The following C11orf65 variants were observed in gnomAD, a reference collection of about 807,000 sequenced individuals.
C11orf65 encodes chromosome 11 open reading frame 65, also known as protein MFI.
C11orf65 carries 38 observed loss-of-function variants against 35.3 expected under a neutral mutation model. The ratio of observed to expected loss-of-function variants is 1.08; its 90% CI spans 0.83 to 1.41. The LOEUF (loss-of-function observed/expected upper bound fraction) is 1.41. C11orf65 is among the 40% of genes most tolerant of loss of function. C11orf65 has a pLI of 0.00. For synonymous variants in C11orf65, 105 were observed against 114.4 expected, an observed-to-expected ratio of 0.92 and a Z score of 0.53; for missense variants, 370 against 367.1, an observed-to-expected ratio of 1.01 and a Z score of -0.06.
At chr11:108,386,557 G>C (rs1351492432) in intron 7 of C11orf65, among the ~76,000 whole-genome samples, 1 of 152,144 alleles carries the variant, frequency 6.6e-6, no homozygotes, top group African/African-American at 2.4e-5. Context: ...AGAGAGACGA[G>C]GGTTGCCTGA....
chr11:108,361,599 G>T (rs1371226826), intron 2 of C11orf65, among the ~76,000 whole-genome samples: 1 of 151,732 alleles, frequency 6.6e-6, no homozygotes, highest in Non-Finnish European at 1.5e-5. Context: ...CCAAAACAGA[G>T]ATATAGATCA....
downstream of C11orf65, among the ~76,000 whole-genome samples, chr11:108,379,550 A>G (rs143056216): frequency 0.11 from 16,163 of 151,864 alleles, 1,203 homozygotes; most frequent in Non-Finnish European, 0.15. Flanking sequence ...TGGGTGCAGC[A>G]CACCAGCATG....
At chr11:108,340,871 C>T (rs548024063) in intron 2 of C11orf65, among the ~76,000 whole-genome samples, 32 of 152,202 alleles carry the variant, frequency 2.1e-4, no homozygotes, top group African/African-American at 7.7e-4. Context: ...AGTGTAAATG[C>T]TGTGTAAATA....
chr11:108,451,291 T>G (rs1294567395), intron 2 of C11orf65, among the ~76,000 whole-genome samples: 2 of 152,004 alleles, frequency 1.3e-5, no homozygotes, highest in Non-Finnish European at 2.9e-5. Context: ...CTTAAGCTGA[T>G]AAGCAACTTC....
chr11:108,342,703 A>C (rs2087740022), intron 2 of C11orf65, among the ~76,000 whole-genome samples: 1 of 152,182 alleles, frequency 6.6e-6, no homozygotes, highest in Admixed American at 6.5e-5. Flanking sequence ...ATTTTAAAAA[A>C]CTTTCCTAGT....
At chr11:108,362,192 G>GA (rs1195008816) in intron 2 of C11orf65, among the ~76,000 whole-genome samples, 53 of 145,204 alleles carry the variant, frequency 3.7e-4, no homozygotes, top group Non-Finnish European at 7.1e-4. Context: ...AAAAACACAT[G>GA]AAAAAATGCT....
At position 108,347,277 on chromosome 11, in the gene C11orf65, A is replaced by T. The variant is rs1060501700; in HGVS notation, c.227-11985T>A. ...CAGATTGTTTGTTTCTTTTTTCTCCAGTTGGTTACATACTTGGACTTGGTG... is the reference window on the plus strand; with the variant it reads ...CAGATTGTTTGTTTCTTTTTTCTCCTGTTGGTTACATACTTGGACTTGGTG... On this transcript the variant is annotated intron_variant, in intron 2 of 3. Coordinates refer to the C11orf65 transcript ENST00000524755. 1 of 1,599,888 alleles carries T rather than the reference A, an allele frequency of 6.3e-7. No individual in the cohort carries two copies. Among genetic ancestry groups the T allele is most frequent in the Non-Finnish European group, 8.6e-7 (1 of 1,167,320 alleles).
At chr11:108,411,075 A>G (rs1043428381) in intron 3 of C11orf65, among the ~76,000 whole-genome samples, 1 of 152,058 alleles carries the variant, frequency 6.6e-6, no homozygotes, top group African/African-American at 2.4e-5. Context: ...TAAACTTTGT[A>G]AATTGATTTT....
At chr11:108,336,311 AAAGAAG>A (rs375553417) in intron 2 of C11orf65, 9 of 195,980 alleles carry the variant, frequency 4.6e-5, no homozygotes, top group East Asian at 2.7e-4. Context: ...CCCGTTTAAA[AAAGAAG>A]AAGAAGAAGA....
intron 2 of C11orf65, among the ~76,000 whole-genome samples, chr11:108,374,779 G>C (rs1301335237): frequency 1.3e-5 from 2 of 152,208 alleles, no homozygotes; most frequent in Non-Finnish European, 2.9e-5. Flanking sequence ...AACCAATACA[G>C]AGAAGTGCTT....
chr11:108,346,325 T>C (rs11821287), intron 2 of C11orf65, among the ~76,000 whole-genome samples: 1 of 152,062 alleles, frequency 6.6e-6, no homozygotes, highest in Non-Finnish European at 1.5e-5. Flanking sequence ...TAATACTTTT[T>C]AATAGAATTT....
rs753158040 is a variant in C11orf65, at chr11:108,321,302, G to A, written c.641-12231C>T. 1 of 1,614,024 alleles carries A rather than the reference G, an allele frequency of 6.2e-7. No individual in the cohort carries two copies. Among genetic ancestry groups the A allele is most frequent in the South Asian group, 1.1e-5 (1 of 91,076 alleles). ...GTGTCTTTTCTTTTTTGCTACTAGA[G>A]TAAAAGAAGTGGAAGAGATGTGTAA... On this transcript the variant is annotated intron_variant, in intron 6 of 6. Transcript: ENST00000525729.
intron 2 of C11orf65, among the ~76,000 whole-genome samples, chr11:108,446,010 A>C (rs2093250587): frequency 6.6e-6 from 1 of 152,224 alleles, no homozygotes; most frequent in Non-Finnish European, 1.5e-5. Flanking sequence ...ATCAACTGGA[A>C]GAAAGGGTAT....
intron 2 of C11orf65, among the ~76,000 whole-genome samples, chr11:108,448,465 C>T (rs182902542): frequency 0.012 from 1,796 of 152,290 alleles, 7 homozygotes; most frequent in Middle Eastern, 0.048. Context: ...CCCTGGGATG[C>T]AAGGCTGCTT....
chr11:108,359,194 AAAG>A (rs1192665545), intron 2 of C11orf65, among the ~76,000 whole-genome samples: 2 of 151,648 alleles, frequency 1.3e-5, no homozygotes, highest in African/African-American at 4.8e-5. Flanking sequence ...CAAAAGAAAC[AAAG>A]AAGGCCATTA....
chr11:108,363,372 C>G (rs1429433184), intron 2 of C11orf65, among the ~76,000 whole-genome samples: 2 of 152,160 alleles, frequency 1.3e-5, no homozygotes, highest in African/African-American at 2.4e-5. Context: ...CTCTCCTGGC[C>G]TTCAAGATTT....
intron 2 of C11orf65, among the ~76,000 whole-genome samples, chr11:108,443,827 G>C (rs1453989862): frequency 6.6e-6 from 1 of 152,154 alleles, no homozygotes; most frequent in African/African-American, 2.4e-5. Context: ...GTAGTGTGTA[G>C]ACAGAAATTT....
At chr11:108,464,625 G>C (rs940551846) in intron 1 of C11orf65, among the ~76,000 whole-genome samples, 1 of 152,112 alleles carries the variant, frequency 6.6e-6, no homozygotes, top group Non-Finnish European at 1.5e-5. Context: ...CTCCCAAAGC[G>C]CTGGGATTAC....
chr11:108,314,627 G>GT lies in C11orf65; in HGVS notation c.641-5557dup, dbSNP rs576938645. On this transcript the variant is annotated intron_variant, in intron 6 of 6. Coordinates refer to the C11orf65 transcript ENST00000525729. ...TATATACAGTTGACCCTTGAACAGT[G>GT]TAAGGGTTAGAGGTGCTAACCCCCT... Among the ~76,000 whole-genome samples, 6 of 152,166 alleles carry GT rather than the reference G, an allele frequency of 3.9e-5. No individual in the cohort carries two copies. The South Asian group carries it at 1.2e-3, about 32-fold the overall frequency.
Sources: allele counts gnomAD v4.1 joint callset (sites outside exome capture counted in the v4.1 genomes callset), GRCh38; gene constraint gnomAD v4.1.1; transcripts MANE v1.5; gene names NCBI Gene and HGNC (gene_info 2026-07-23, HGNC 2026-07-21).